PDZRN4: variants seen among roughly 807,000 people sequenced by gnomAD.
PDZRN4 encodes PDZ domain-containing RING finger protein 4.
A neutral mutation model predicts 99.0 loss-of-function variants in PDZRN4; 70 were observed. The ratio of observed to expected loss-of-function variants is 0.71; its 90% confidence interval spans 0.58 to 0.86. The LOEUF is 0.86. Ranked by LOEUF, PDZRN4 falls within the 40% of genes least tolerant of loss-of-function variation. PDZRN4 has a pLI of 0.00. For synonymous variants in PDZRN4, 551 were observed against 501.6 expected (o/e 1.10, Z -1.32); for missense variants, 1,474 against 1,331.2 (o/e 1.11, Z -1.67).
chr12:41,427,381 A>G (rs1274131202), intron 3 of PDZRN4, among the ~76,000 whole-genome samples: 1 of 152,162 alleles, frequency 6.6e-6, no homozygotes, highest in Non-Finnish European at 1.5e-5. Flanking sequence ...CACTGGGTAA[A>G]GTTCATGTTC....
intron 3 of PDZRN4, among the ~76,000 whole-genome samples, chr12:41,297,789 A>G (rs1039202543): frequency 1.3e-5 from 2 of 152,160 alleles, no homozygotes; most frequent in Admixed American, 6.6e-5. Context: ...GCACTCAGTC[A>G]TTTAGTTGGG....
chr12:41,518,808 G>A (rs559448539), intron 5 of PDZRN4, among the ~76,000 whole-genome samples: 31 of 152,030 alleles, frequency 2.0e-4, no homozygotes, highest in Non-Finnish European at 3.7e-4. Context: ...AATTAACTGG[G>A]CATGGTGGCA....
At chr12:41,411,093 G>A (rs1326734712) in intron 3 of PDZRN4, among the ~76,000 whole-genome samples, 1 of 149,396 alleles carries the variant, frequency 6.7e-6, no homozygotes, top group Admixed American at 6.7e-5. Flanking sequence ...TAAAGATAGT[G>A]TCCCACTATG....
intron 5 of PDZRN4, among the ~76,000 whole-genome samples, chr12:41,544,863 TCC>T (rs1438950564): frequency 1.1e-4 from 16 of 152,160 alleles, no homozygotes; most frequent in Non-Finnish European, 1.6e-4. Flanking sequence ...TCAGACCAGG[TCC>T]CTTAGCTAGA....
chr12:41,396,466 T>C (rs957321973), intron 3 of PDZRN4, among the ~76,000 whole-genome samples: 2 of 152,150 alleles, frequency 1.3e-5, no homozygotes, highest in Non-Finnish European at 2.9e-5. Context: ...AAAATCAGTA[T>C]TGGTCTTTCT....
At chr12:41,373,734 C>T (rs540843667) in intron 3 of PDZRN4, among the ~76,000 whole-genome samples, 28 of 152,092 alleles carry the variant, frequency 1.8e-4, no homozygotes, top group East Asian at 3.9e-4. Flanking sequence ...ATGAAGATGA[C>T]GGGATTAAGA....
At chr12:41,230,604 T>C (rs2120752583) in intron 3 of PDZRN4, among the ~76,000 whole-genome samples, 1 of 152,220 alleles carries the variant, frequency 6.6e-6, no homozygotes, top group African/African-American at 2.4e-5. Context: ...GGATGGCCTG[T>C]TTTAATAGTA....
chr12:41,551,209 C>T (rs953296198), intron 5 of PDZRN4, among the ~76,000 whole-genome samples: 1 of 151,940 alleles, frequency 6.6e-6, no homozygotes, highest in Non-Finnish European at 1.5e-5. Context: ...TGTGTCTGTC[C>T]TTACATGGTG....
chr12:41,306,516 TG>T (rs1951570489), intron 3 of PDZRN4, among the ~76,000 whole-genome samples: 1 of 152,166 alleles, frequency 6.6e-6, no homozygotes, highest in African/African-American at 2.4e-5. Flanking sequence ...TCGACTGGGG[TG>T]GGTGATTCGG....
intron 3 of PDZRN4, among the ~76,000 whole-genome samples, chr12:41,259,301 C>T (rs1313674632): frequency 6.6e-6 from 1 of 151,912 alleles, no homozygotes; most frequent in East Asian, 1.9e-4. Flanking sequence ...CAGAGAGACA[C>T]TCATAAAAAT....
intron 5 of PDZRN4, among the ~76,000 whole-genome samples, chr12:41,527,161 A>G (rs1938582669): frequency 1.3e-5 from 2 of 152,246 alleles, no homozygotes; most frequent in Non-Finnish European, 2.9e-5. Flanking sequence ...ATACCTGAGC[A>G]GAATTTTGAC....
chr12:41,559,422 T>C (rs1939226470), intron 7 of PDZRN4, among the ~76,000 whole-genome samples: 1 of 152,148 alleles, frequency 6.6e-6, no homozygotes, highest in African/African-American at 2.4e-5. Context: ...TCTCACAAAA[T>C]TGCAGTGCTG....
At chr12:41,335,736 A>C (rs1951768802) in intron 3 of PDZRN4, among the ~76,000 whole-genome samples, 1 of 152,152 alleles carries the variant, frequency 6.6e-6, no homozygotes, top group African/African-American at 2.4e-5. Flanking sequence ...AAACACATAG[A>C]GTTAATATGT....
Position 41,274,907 on chromosome 12 carries a change from A to G in PDZRN4, c.843+80719A>G, listed in dbSNP as rs563182792. 2.3e-3 allele frequency among the ~76,000 whole-genome samples: 354 copies of G among 152,290 alleles called. 3 individuals are homozygous for G. The highest frequency in any genetic ancestry group is 8.2e-3 in the African/African-American group (341 of 41,558). ...GCTCTGAAATCAGTCAAATATTTGC[A>G]AAGTCTCCCAGTGAATTATTATAGA... On this transcript the variant is annotated intron_variant, in intron 3 of 9. Transcript: ENST00000402685.
chr12:41,197,921 T>TTTTTC (rs1336876419), intron 3 of PDZRN4, among the ~76,000 whole-genome samples: 1 of 131,156 alleles, frequency 7.6e-6, no homozygotes, highest in African/African-American at 2.8e-5. Context: ...TTTTTCTGGG[T>TTTTTC]TTTTTTTTTT....
intron 3 of PDZRN4, among the ~76,000 whole-genome samples, chr12:41,289,257 A>G (rs1374440549): frequency 6.6e-6 from 1 of 152,220 alleles, no homozygotes; most frequent in Non-Finnish European, 1.5e-5. Context: ...TCCACACAGT[A>G]CTTTTTACTG....
At position 41,194,118 on chromosome 12, in the gene PDZRN4, T is replaced by C. The variant is rs1049834422; in HGVS notation, c.773T>C (p.Val258Ala). 3.2e-6 allele frequency: 5 copies of C among 1,566,070 alleles called. No individual in the cohort carries two copies. The highest frequency in any genetic ancestry group is 3.3e-5 in the Admixed American group (2 of 59,896). The change falls in exon 3 of 10, where the codon GTT becomes GCT. Residue 258 changes from valine to alanine, a missense_variant. Val to Ala is a moderately conservative substitution (Grantham distance 64, BLOSUM62 0). Coordinates refer to ENST00000402685, the MANE Select transcript of PDZRN4 (RefSeq NM_001164595.2). ...QEGTSTEGIY[V>A]SKILENGPAD... Reference sequence around the variant, plus strand: ...GGAACATCGACTGAAGGAATTTACGTTTCAAAAATTTTAGAAAATGGACCT... The same window carrying C: ...GGAACATCGACTGAAGGAATTTACGCTTCAAAAATTTTAGAAAATGGACCT...
chr12:41,544,602 A>T (rs1938915264), intron 5 of PDZRN4, among the ~76,000 whole-genome samples: 1 of 152,188 alleles, frequency 6.6e-6, no homozygotes, highest in Non-Finnish European at 1.5e-5. Context: ...CTTCTTAGAG[A>T]ACAATAAACA....
chr12:41,482,098 G>C (rs1937682066), intron 3 of PDZRN4, among the ~76,000 whole-genome samples: 1 of 152,140 alleles, frequency 6.6e-6, no homozygotes, highest in African/African-American at 2.4e-5. Context: ...TTGGATCAGT[G>C]AATCACTGAT....
Sources: allele counts gnomAD v4.1 joint callset (sites outside exome capture counted in the v4.1 genomes callset), GRCh38; gene constraint gnomAD v4.1.1; transcripts MANE v1.5; gene names NCBI Gene and HGNC (gene_info 2026-07-23, HGNC 2026-07-21).